Variants in SDK1 observed in about 807,000 individuals in gnomAD.
SDK1 encodes protein sidekick-1.
In SDK1, 157 loss-of-function variants were observed where a neutral mutation model predicts 245.5. That is an observed-to-expected ratio of 0.64 (90% confidence interval 0.56 to 0.73). The LOEUF is 0.73. Ranked by LOEUF, SDK1 falls within the 30% of genes least tolerant of loss-of-function variation. The pLI, the probability that SDK1 is intolerant of heterozygous loss-of-function variation, is 0.00. For synonymous variants in SDK1, 1,647 were observed against 1,278.5 expected (o/e 1.29, Z -6.15); for missense variants, 3,583 against 3,002.3 (o/e 1.19, Z -4.52).
chr7:3,847,715 T>G (rs1226535276), intron 5 of SDK1, among the ~76,000 whole-genome samples: 1 of 152,250 alleles, frequency 6.6e-6, no homozygotes, highest in Non-Finnish European at 1.5e-5. Context: ...TTAAATTCAT[T>G]TTGTACCTGC....
Position 3,435,834 on chromosome 7 carries a change from ATTAC to A in SDK1, c.298+133956_298+133959del, listed in dbSNP as rs565485079. Among the ~76,000 whole-genome samples, 94 of 152,292 alleles carry A rather than the reference ATTAC, an allele frequency of 6.2e-4. 1 individual carries two copies. Among genetic ancestry groups the A allele is most frequent in the Non-Finnish European group, 1.2e-3 (82 of 68,022 alleles). On this transcript the variant is annotated intron_variant, in intron 1 of 44. Transcript: ENST00000404826. Reference sequence around the variant, plus strand: ...CATGCTTTCTCATGGATTTACAATGATTACTTACTCTCAAACTTATATTTCCAGC... The same window carrying A: ...CATGCTTTCTCATGGATTTACAATGATTACTCTCAAACTTATATTTCCAGC...
At chr7:4,136,499 T>G (rs1272851441) in intron 28 of SDK1, among the ~76,000 whole-genome samples, 1 of 152,232 alleles carries the variant, frequency 6.6e-6, no homozygotes, top group Non-Finnish European at 1.5e-5. Flanking sequence ...CAAAAGAGAT[T>G]AACAGCGTGA....
At chr7:3,895,646 C>T (rs1286125242) in intron 5 of SDK1, among the ~76,000 whole-genome samples, 2 of 151,858 alleles carry the variant, frequency 1.3e-5, no homozygotes, top group African/African-American at 4.8e-5. Context: ...TCTTCTTCCT[C>T]TTCTTTTCAA....
chr7:3,477,189 CTTTTTTTT>C (rs35328849), intron 1 of SDK1, among the ~76,000 whole-genome samples: 3 of 78,626 alleles, frequency 3.8e-5, no homozygotes, highest in East Asian at 4.1e-4. Flanking sequence ...TGGTTTTCTC[CTTTTTTTT>C]TTTTTTTTTT....
rs758821267 is a variant in SDK1 at position 3,389,002 on chromosome 7, C to A, written c.298+87118C>A. Among the ~76,000 whole-genome samples the A allele has an allele frequency of 1.2e-3, 176 of 152,252 alleles. 2 individuals carry two copies. The highest frequency in any genetic ancestry group is 6.2e-4 in the South Asian group (3 of 4,826). On this transcript the variant is annotated intron_variant, in intron 1 of 44. Coordinates refer to ENST00000404826, the MANE Select transcript of SDK1 (RefSeq NM_152744.4). ...ATAGCATTATCCTGTGATACAGAAT[C>A]ACTGATGGGGTCAACTTTTTGGTAG...
chr7:3,687,534 C>T (rs1187489596), intron 4 of SDK1, among the ~76,000 whole-genome samples: 6 of 152,192 alleles, frequency 3.9e-5, no homozygotes, highest in African/African-American at 9.7e-5. Context: ...GACGCTGCTT[C>T]GCACTGAAAA....
chr7:3,990,923 T>G (rs34318166), intron 14 of SDK1, among the ~76,000 whole-genome samples: 9 of 152,194 alleles, frequency 5.9e-5, no homozygotes, highest in Non-Finnish European at 1.2e-4. Flanking sequence ...AGAAGCAGGT[T>G]TCGTGTGTAA....
At chr7:4,102,906 C>G (rs1165772004) in intron 22 of SDK1, among the ~76,000 whole-genome samples, 2 of 148,338 alleles carry the variant, frequency 1.3e-5, no homozygotes, top group African/African-American at 5.0e-5. Context: ...CCATTTCTGC[C>G]TTTGTCCGAA....
In SDK1 at chr7:4,266,760, C is replaced by T. The variant is rs928748564; in HGVS notation, c.*1376C>T. On this transcript the variant is annotated 3_prime_UTR_variant, in exon 45 of 45. Coordinates refer to ENST00000404826, the MANE Select transcript of SDK1 (RefSeq NM_152744.4). ...GCCCGGGTCCCGGGTCTGGATGGAA[C>T]GGGAGCACTGCTGGTGCCCACTGGC... is the stretch of plus-strand genomic sequence containing the variant. The T allele has an allele frequency of 4.6e-5, 45 of 985,360 alleles. No homozygotes were observed. Among genetic ancestry groups the T allele is most frequent in the African/African-American group, 1.4e-4 (8 of 57,244 alleles). 61.0% of individuals were successfully genotyped at this position (985,360 alleles called of 1,614,324 possible). A position where few individuals can be genotyped will look rare whatever the true frequency, so the allele number is the denominator to read the frequency against.
chr7:4,198,445 T>C (rs10228737), intron 35 of SDK1, among the ~76,000 whole-genome samples: 83,999 of 152,174 alleles, frequency 0.55, 23,902 homozygotes, highest in African/African-American at 0.67. Context: ...CTGCTCTCAT[T>C]GCAGCCCTCC....
chr7:3,566,145 G>T (rs1779909328), intron 1 of SDK1, among the ~76,000 whole-genome samples: 1 of 151,558 alleles, frequency 6.6e-6, no homozygotes, highest in Admixed American at 6.6e-5. Context: ...TCGTAAAAAG[G>T]TGTCAGTTCT....
intron 8 of SDK1, among the ~76,000 whole-genome samples, chr7:3,960,331 G>A (rs1255273034): frequency 2.0e-5 from 3 of 152,222 alleles, no homozygotes; most frequent in Admixed American, 6.5e-5. Context: ...AATGGAGGCA[G>A]GACCCAAACG....
At chr7:3,436,608 A>T (rs570327580) in intron 1 of SDK1, among the ~76,000 whole-genome samples, 5 of 152,200 alleles carry the variant, frequency 3.3e-5, no homozygotes, top group Non-Finnish European at 7.4e-5. Flanking sequence ...TAATGATTAT[A>T]CTTTAGAAAG....
intron 1 of SDK1, among the ~76,000 whole-genome samples, chr7:3,581,023 T>C (rs555601307): frequency 3.6e-5 from 5 of 140,560 alleles, no homozygotes; most frequent in Non-Finnish European, 7.6e-5. Flanking sequence ...AGACAATCTA[T>C]GCATTACCAT....
At chr7:3,420,359 C>T (rs777719465) in intron 1 of SDK1, among the ~76,000 whole-genome samples, 15 of 152,204 alleles carry the variant, frequency 9.9e-5, no homozygotes, top group Admixed American at 2.6e-4. Context: ...AAAACTACAA[C>T]TCAGATCGTT....
chr7:3,549,901 A>G (rs910001471), intron 1 of SDK1, among the ~76,000 whole-genome samples: 1 of 152,192 alleles, frequency 6.6e-6, no homozygotes, highest in Non-Finnish European at 1.5e-5. Flanking sequence ...CAGAAAGGAA[A>G]AAAAAACCCA....
At chr7:3,695,903 G>C (rs1784559284) in intron 4 of SDK1, among the ~76,000 whole-genome samples, 2 of 152,184 alleles carry the variant, frequency 1.3e-5, no homozygotes. Flanking sequence ...CAAAGCTAAT[G>C]AGCAATTTTA....
chr7:3,354,766 G>A (rs1362658757), intron 1 of SDK1, among the ~76,000 whole-genome samples: 2 of 152,146 alleles, frequency 1.3e-5, no homozygotes, highest in African/African-American at 2.4e-5. Flanking sequence ...ACATCCTGAC[G>A]GATAAGGGCA....
intron 1 of SDK1, among the ~76,000 whole-genome samples, chr7:3,520,231 A>G (rs1259546056): frequency 6.6e-6 from 1 of 152,160 alleles, no homozygotes; most frequent in Non-Finnish European, 1.5e-5. Flanking sequence ...AAGGGTTTGG[A>G]CCAACAGGTT....
Sources: allele counts gnomAD v4.1 joint callset (sites outside exome capture counted in the v4.1 genomes callset), GRCh38; gene constraint gnomAD v4.1.1; transcripts MANE v1.5; gene names NCBI Gene and HGNC (gene_info 2026-07-23, HGNC 2026-07-21).